CSMD1: variants seen among roughly 807,000 people sequenced by gnomAD.
CSMD1 encodes CUB and Sushi multiple domains 1.
A neutral mutation model predicts 417.5 loss-of-function variants in CSMD1; 213 were observed. The ratio of observed to expected loss-of-function variants is 0.51; its 90% CI spans 0.46 to 0.57. The LOEUF (loss-of-function observed/expected upper bound fraction) is 0.57. Ranked by LOEUF, CSMD1 falls within the 20% of genes least tolerant of loss-of-function variation. The pLI is 0.00. For synonymous variants in CSMD1, 2,862 were observed against 1,736.8 expected (o/e 1.65, Z -16.11); for missense variants, 6,923 against 4,529.7 (o/e 1.53, Z -15.17).
At chr8:3,432,597 C>G (rs1429280363) in intron 12 of CSMD1, among the ~76,000 whole-genome samples, 3 of 141,420 alleles carry the variant, frequency 2.1e-5, no homozygotes, top group Non-Finnish European at 3.0e-5. Flanking sequence ...GCAACCTCAA[C>G]TTCTGCCTCC....
chr8:4,162,077 C>A (rs1038285056), intron 3 of CSMD1, among the ~76,000 whole-genome samples: 3 of 152,172 alleles, frequency 2.0e-5, no homozygotes, highest in African/African-American at 7.2e-5. Context: ...AGCAAGTAAG[C>A]ATTAAGGCAA....
chr8:3,360,610 G>T lies in CSMD1; in HGVS notation c.3116-1270C>A, dbSNP rs910157479. On this transcript the variant is annotated intron_variant, in intron 20 of 69. Coordinates refer to ENST00000635120, the MANE Select transcript of CSMD1 (RefSeq NM_033225.6). The stretch of plus-strand genomic sequence containing the variant: ...TAAGAAGAGTTTCAGAGAGAATCTT[G>T]AAAGGCCAACTAAAAGATGTGCATT... Among the ~76,000 whole-genome samples the T allele has an allele frequency of 1.3e-5, 2 of 152,208 alleles. 1 individual carries two copies. The highest frequency in any genetic ancestry group is 4.8e-5 in the African/African-American group (2 of 41,448).
intron 3 of CSMD1, among the ~76,000 whole-genome samples, chr8:4,366,466 A>G (rs1802078796): frequency 6.6e-6 from 1 of 152,208 alleles, no homozygotes; most frequent in South Asian, 2.1e-4. Flanking sequence ...GCTGGTTTAA[A>G]TAGTAGTCCT....
chr8:3,274,295 G>C (rs1034998610), intron 26 of CSMD1, among the ~76,000 whole-genome samples: 1 of 152,148 alleles, frequency 6.6e-6, no homozygotes, highest in Admixed American at 6.6e-5. Context: ...CTGAGAGACA[G>C]TTTGTTACAA....
At chr8:4,809,321 G>A (rs539860278) in intron 1 of CSMD1, among the ~76,000 whole-genome samples, 3 of 152,144 alleles carry the variant, frequency 2.0e-5, no homozygotes, top group Admixed American at 6.6e-5. Flanking sequence ...TACATCTATA[G>A]CAAGAGTTTC....
intron 3 of CSMD1, among the ~76,000 whole-genome samples, chr8:4,117,444 C>T (rs1802220517): frequency 6.6e-6 from 1 of 152,056 alleles, no homozygotes; most frequent in Non-Finnish European, 1.5e-5. Context: ...CCGCATGCTG[C>T]AATTTCAGGG....
intron 1 of CSMD1, among the ~76,000 whole-genome samples, chr8:4,675,212 C>A (rs1276328281): frequency 2.6e-5 from 4 of 152,150 alleles, no homozygotes; most frequent in African/African-American, 9.7e-5. Flanking sequence ...GTGAACAATT[C>A]TTTTTCCAAT....
intron 1 of CSMD1, among the ~76,000 whole-genome samples, chr8:4,727,697 A>C (rs1809547621): frequency 6.6e-6 from 1 of 152,130 alleles, no homozygotes; most frequent in South Asian, 2.1e-4. Flanking sequence ...TTGCAAAGGC[A>C]AATTCCTGTG....
At chr8:4,023,651 A>C (rs545774797) in intron 4 of CSMD1, among the ~76,000 whole-genome samples, 45 of 143,840 alleles carry the variant, frequency 3.1e-4, no homozygotes, top group African/African-American at 1.2e-3. Flanking sequence ...CAGTGGCGCG[A>C]TCTCGGCTCA....
intron 3 of CSMD1, among the ~76,000 whole-genome samples, chr8:4,050,956 G>C (rs1035853259): frequency 6.6e-6 from 1 of 152,048 alleles, no homozygotes; most frequent in Non-Finnish European, 1.5e-5. Context: ...GTCTCACTTG[G>C]TTGGAGAAAG....
intron 2 of CSMD1, among the ~76,000 whole-genome samples, chr8:4,492,307 C>G (rs1217195437): frequency 5.9e-5 from 9 of 152,090 alleles, no homozygotes; most frequent in Non-Finnish European, 1.0e-4. Flanking sequence ...CCAGGATGGT[C>G]TCAAACTCCT....
At chr8:4,915,216 A>T (rs1437512263) in intron 1 of CSMD1, among the ~76,000 whole-genome samples, 1 of 150,714 alleles carries the variant, frequency 6.6e-6, no homozygotes, top group African/African-American at 2.4e-5. Context: ...GTATTTATAC[A>T]TAACATATAT....
chr8:4,741,918 C>T (rs1810635313), intron 1 of CSMD1, among the ~76,000 whole-genome samples: 1 of 147,232 alleles, frequency 6.8e-6, no homozygotes, highest in South Asian at 2.2e-4. Context: ...ACTGCAGCTT[C>T]GACTTCCTGG....
chr8:4,595,225 T>C (rs1041620105), intron 2 of CSMD1, among the ~76,000 whole-genome samples: 2 of 151,974 alleles, frequency 1.3e-5, no homozygotes, highest in African/African-American at 2.4e-5. Context: ...AGAACTCAAA[T>C]TGGCTTGAGT....
chr8:3,951,602 C>G (rs371124792), intron 5 of CSMD1, among the ~76,000 whole-genome samples: 11 of 152,098 alleles, frequency 7.2e-5, no homozygotes, highest in African/African-American at 2.7e-4. Context: ...GAGAGAAATA[C>G]TACTACTCTA....
At chr8:3,427,928 G>A (rs957982261) in intron 12 of CSMD1, among the ~76,000 whole-genome samples, 20 of 152,138 alleles carry the variant, frequency 1.3e-4, no homozygotes, top group Admixed American at 3.9e-4. Flanking sequence ...GCTGACAAGC[G>A]CCCTTGCAGA....
intron 10 of CSMD1, among the ~76,000 whole-genome samples, chr8:3,506,307 C>T (rs1284053822): frequency 5.3e-5 from 8 of 152,180 alleles, no homozygotes; most frequent in Admixed American, 3.9e-4. Flanking sequence ...TTCCTACTAC[C>T]CGCTATTTCT....
At chr8:4,169,496 C>A (rs752961236) in intron 3 of CSMD1, among the ~76,000 whole-genome samples, 1 of 152,156 alleles carries the variant, frequency 6.6e-6, no homozygotes, top group African/African-American at 2.4e-5. Flanking sequence ...ACCTCTACTG[C>A]GGCCTTGTCT....
chr8:3,252,587 A>G (rs1280094213), intron 26 of CSMD1, among the ~76,000 whole-genome samples: 2 of 152,202 alleles, frequency 1.3e-5, no homozygotes, highest in Admixed American at 1.3e-4. Context: ...AAAATGAGTT[A>G]GGGAGGATTC....
Sources: allele counts gnomAD v4.1 joint callset (sites outside exome capture counted in the v4.1 genomes callset), GRCh38; gene constraint gnomAD v4.1.1; transcripts MANE v1.5; gene names NCBI Gene and HGNC (gene_info 2026-07-23, HGNC 2026-07-21).